EBLN1: variants seen among roughly 807,000 people sequenced by gnomAD.
EBLN1 encodes the protein endogenous Bornavirus like nucleoprotein 1.
Under a neutral mutation model 0.8 loss-of-function variants are expected in EBLN1, and 1 was observed. That is an observed-to-expected ratio of 1.32 (90% confidence interval 0.47 to 6.26). The LOEUF (loss-of-function observed/expected upper bound fraction) is 6.26, where lower values mean the gene tolerates loss of function less well. Among genes scored for constraint, EBLN1 ranks in the 30% most tolerant of loss-of-function variants. The pLI, the probability that EBLN1 is intolerant of heterozygous loss-of-function variation, is 0.15. For missense variants in EBLN1, 396 were observed against 447.9 expected (o/e 0.88, Z 1.05); for synonymous variants, 158 against 158.5 (o/e 1.00, Z 0.02).
At chr10:22,211,500 AT>A (rs138026227) in intron 2 of EBLN1, among the ~76,000 whole-genome samples, 27 of 150,096 alleles carry the variant, frequency 1.8e-4, no homozygotes, top group African/African-American at 5.6e-4. Context: ...ACAAAAAACA[AT>A]TTTTTTTTTG....
At chr10:22,210,829 C>T (rs1383079322) in intron 2 of EBLN1, among the ~76,000 whole-genome samples, 1 of 152,086 alleles carries the variant, frequency 6.6e-6, no homozygotes. Flanking sequence ...GTGGGTGCTG[C>T]CCAGAGCAAC....
chr10:22,210,629 T>A (rs2131944122), intron 2 of EBLN1, among the ~76,000 whole-genome samples: 1 of 152,326 alleles, frequency 6.6e-6, no homozygotes, highest in East Asian at 1.9e-4. Flanking sequence ...ACTGCCATAT[T>A]TGTCTAGGAT....
At chr10:22,214,253 A>G (rs1260268032) in intron 1 of EBLN1, among the ~76,000 whole-genome samples, 2 of 149,318 alleles carry the variant, frequency 1.3e-5, no homozygotes, top group Non-Finnish European at 3.0e-5. Flanking sequence ...ATGTGATTCA[A>G]ACTCCACAGA....
At chr10:22,215,280 G>C (rs77957317) in intron 1 of EBLN1, among the ~76,000 whole-genome samples, 1 of 152,088 alleles carries the variant, frequency 6.6e-6, no homozygotes, top group Admixed American at 6.6e-5. Context: ...TGCTTTAAAC[G>C]GGTGAATGGT....
chr10:22,209,160 A>T lies in EBLN1; in HGVS notation c.824T>A (p.Leu275His). 1 of 1,535,876 alleles carries T rather than the reference A, an allele frequency of 6.5e-7. No homozygotes were observed. The highest frequency in any genetic ancestry group is 8.7e-7 in the Non-Finnish European group (1 of 1,146,936). Residue 275 changes from leucine (L) to histidine (H), a missense_variant, in exon 3 of 3, where the codon CTT becomes CAT. By Grantham distance (99) the Leu-to-His change is moderately conservative (BLOSUM62 -3). Coordinates refer to ENST00000422359, the MANE Select transcript of EBLN1 (RefSeq NM_001394757.1). ...ACCCCCAAATTCAAAGAAATCTCCA[A>T]GTACCTTTTTAGCCAGTGGTTTCTT... ...EQKKPLAKKV[L>H]GDFFEFGGVL...
chr10:22,211,098 A>G (rs1834749224), intron 2 of EBLN1, among the ~76,000 whole-genome samples: 2 of 152,194 alleles, frequency 1.3e-5, no homozygotes, highest in Non-Finnish European at 2.9e-5. Context: ...AAGTTCTCCA[A>G]TGGAAGGGAT....
chr10:22,209,596 C>A lies in EBLN1; in HGVS notation c.388G>T (p.Ala130Ser). Residue 130 changes from alanine to serine, a missense_variant, in exon 3 of 3, where the codon GCC becomes TCC. Physicochemically the swap from Ala to Ser is moderately conservative, Grantham distance 99 (BLOSUM62 1). Transcript: ENST00000422359. ...CGCAGAATTGATGACATCTCAAGGG[C>A]AGTGAAGGTAGGCAAAACATCTTCA... The part of the protein sequence containing the change: ...KFEDVLPTFT[A>S]LEMSSILRHC... The A allele has an allele frequency of 1.3e-6, 2 of 1,537,578 alleles. No individual in the cohort carries two copies. Among genetic ancestry groups the A allele is most frequent in the Non-Finnish European group, 1.7e-6 (2 of 1,147,896 alleles).
At chr10:22,216,760 C>A (rs1420850082) in intron 1 of EBLN1, among the ~76,000 whole-genome samples, 2 of 152,162 alleles carry the variant, frequency 1.3e-5, no homozygotes, top group South Asian at 2.1e-4. Context: ...TACAATTAAA[C>A]GGAGTATAAA....
intron 2 of EBLN1, among the ~76,000 whole-genome samples, chr10:22,211,164 G>C (rs79645687): frequency 1.3e-5 from 2 of 152,134 alleles, no homozygotes; most frequent in Admixed American, 6.5e-5. Context: ...TGCAATGAAA[G>C]GTTATTATGT....
chr10:22,210,102 T>A (rs1034820785), intron 2 of EBLN1, 75 bp from the exon 3 acceptor site: 1 of 1,174,054 alleles, frequency 8.5e-7, no homozygotes, highest in African/African-American at 1.6e-5. Flanking sequence ...TATTATGACT[T>A]CTGTATCTCA....
Position 22,209,499 on chromosome 10 carries a change from T to C in EBLN1, c.485A>G (p.Gln162Arg). ...TATCATCATTGCCTTGAATTGTCTC[T>C]GTACTTGGAGGCTGTTGGTGCATAT... ...DPICTNSLQVQRQFKAMMISI... is the reference protein window; with the variant it reads ...DPICTNSLQVRRQFKAMMISI... Residue 162 changes from glutamine to arginine, a missense_variant, in exon 3 of 3, where the codon CAG becomes CGG. By Grantham distance (43) the Gln-to-Arg change is conservative. Transcript: ENST00000422359. 6.3e-7 allele frequency: 1 copy of C among 1,591,904 alleles called. No homozygotes were observed. The highest frequency in any genetic ancestry group is 8.5e-7 in the Non-Finnish European group (1 of 1,176,450).
chr10:22,209,849 C>T lies in EBLN1; in HGVS notation c.135G>A (p.Glu45=), dbSNP rs1275021773. 1 of 1,528,604 alleles carries T rather than the reference C, an allele frequency of 6.5e-7. No homozygotes were observed. Among genetic ancestry groups the T allele is most frequent in the Admixed American group, 2.0e-5 (1 of 50,308 alleles). The allele number at this position is 1,528,604 out of a possible 1,614,324, so 94.7% of individuals were successfully genotyped here. The change falls in exon 3 of 3, where the codon GAG becomes GAA. Residue 45 remains glutamate (E), a synonymous_variant. Coordinates refer to ENST00000422359, the MANE Select transcript of EBLN1 (RefSeq NM_001394757.1). The part of the protein sequence containing the change: ...KSRQYPADAL[E]PQPGIGDVKV... ...TAACATCTCCAATACCAGGTTGGGG[C>T]TCCAATGCATCTGCTGGATACTGTC...
At chr10:22,215,880 A>T (rs1834788750) in intron 1 of EBLN1, among the ~76,000 whole-genome samples, 1 of 152,198 alleles carries the variant, frequency 6.6e-6, no homozygotes, top group East Asian at 1.9e-4. Context: ...GCAGGGAAAA[A>T]TATATTACAT....
At chr10:22,210,380 G>A (rs571810021) in intron 2 of EBLN1, among the ~76,000 whole-genome samples, 1 of 152,128 alleles carries the variant, frequency 6.6e-6, no homozygotes, top group African/African-American at 2.4e-5. Flanking sequence ...TTAAAACATC[G>A]AAGTAATGCC....
intron 2 of EBLN1, among the ~76,000 whole-genome samples, chr10:22,212,307 CAG>C (rs1834761273): frequency 6.6e-6 from 1 of 152,088 alleles, no homozygotes; most frequent in Non-Finnish European, 1.5e-5. Context: ...TAGAGTAAAA[CAG>C]AAATGATAAA....
chr10:22,217,887 T>C (rs1834805598), intron 1 of EBLN1, among the ~76,000 whole-genome samples, 29 bp downstream of exon 1: 1 of 152,208 alleles, frequency 6.6e-6, no homozygotes, highest in African/African-American at 2.4e-5. Flanking sequence ...CTGAGTAATT[T>C]ATAAGGAAAG....
intron 2 of EBLN1, among the ~76,000 whole-genome samples, chr10:22,212,086 A>G (rs1411860211): frequency 6.6e-6 from 1 of 152,178 alleles, no homozygotes; most frequent in Non-Finnish European, 1.5e-5. Flanking sequence ...TTATTTGGAT[A>G]ATTAGGGGCT....
intron 2 of EBLN1, among the ~76,000 whole-genome samples, chr10:22,211,764 C>A (rs957478849): frequency 6.6e-6 from 1 of 151,972 alleles, no homozygotes; most frequent in African/African-American, 2.4e-5. Context: ...CCCACGCTAC[C>A]CCACCCCTCC....
At chr10:22,210,176 C>T (rs976699411) in intron 2 of EBLN1, among the ~76,000 whole-genome samples, 149 bp from the exon 3 acceptor site, 2 of 152,128 alleles carry the variant, frequency 1.3e-5, no homozygotes, top group Non-Finnish European at 2.9e-5. Flanking sequence ...TCCTTAATTA[C>T]ACAACATAAT....
Sources: gnomAD v4.1 joint callset for allele counts (sites outside exome capture counted in the v4.1 genomes callset) on GRCh38, gnomAD v4.1.1 for gene constraint, MANE v1.5 for transcripts, NCBI Gene and HGNC (gene_info 2026-07-23, HGNC 2026-07-21) for gene names.